The following CNTN3 variants were observed in gnomAD, a reference collection of about 807,000 sequenced individuals.
CNTN3 encodes contactin 3.
A neutral mutation model predicts 119.1 loss-of-function variants in CNTN3; 60 were observed. That is an observed-to-expected ratio of 0.50 (90% CI 0.41 to 0.62). The LOEUF (loss-of-function observed/expected upper bound fraction) is 0.62. Among genes scored for constraint, CNTN3 ranks in the 20% least tolerant of loss-of-function variants. The pLI, the probability that CNTN3 is intolerant of heterozygous loss-of-function variation, is 0.00. For missense variants in CNTN3, 1,101 were observed against 1,242.4 expected (o/e 0.89, Z 1.71); for synonymous variants, 450 against 438.7 (o/e 1.03, Z -0.32).
At chr3:74,557,088 T>C (rs1372013487) in intron 1 of CNTN3, among the ~76,000 whole-genome samples, 4 of 152,110 alleles carry the variant, frequency 2.6e-5, no homozygotes, top group Non-Finnish European at 5.9e-5. Context: ...GTGGATTGTC[T>C]TTTTACTTCC....
At chr3:74,602,699 G>C (rs944149633) in intron 1 of CNTN3, among the ~76,000 whole-genome samples, 1 of 152,086 alleles carries the variant, frequency 6.6e-6, no homozygotes, top group African/African-American at 2.4e-5. Flanking sequence ...ATGAGATCAA[G>C]AGAGGTAGAA....
At chr3:74,286,121 T>A (rs984221546) in intron 19 of CNTN3, among the ~76,000 whole-genome samples, 1 of 151,966 alleles carries the variant, frequency 6.6e-6, no homozygotes. Flanking sequence ...GAAGAAAAAG[T>A]GTCTAGTCTG....
chr3:74,291,469 T>G (rs550091430), intron 19 of CNTN3, among the ~76,000 whole-genome samples: 1 of 152,258 alleles, frequency 6.6e-6, no homozygotes, highest in African/African-American at 2.4e-5. Context: ...CCTTGAGGAA[T>G]TGCCACACTG....
At chr3:74,279,050 C>G (rs1701940348) in intron 20 of CNTN3, among the ~76,000 whole-genome samples, 1 of 152,084 alleles carries the variant, frequency 6.6e-6, no homozygotes, top group Non-Finnish European at 1.5e-5. Flanking sequence ...AAATCAAAAC[C>G]ACAATGCAAT....
chr3:74,317,245 T>C (rs1312578862), intron 13 of CNTN3, among the ~76,000 whole-genome samples: 1 of 150,044 alleles, frequency 6.7e-6, no homozygotes, highest in Non-Finnish European at 1.5e-5. Context: ...GCATGTGAGA[T>C]GGGTTTCCTG....
At chr3:74,548,006 G>C (rs557174971) in intron 1 of CNTN3, among the ~76,000 whole-genome samples, 1 of 152,210 alleles carries the variant, frequency 6.6e-6, no homozygotes, top group East Asian at 1.9e-4. Flanking sequence ...GTTCATTCCA[G>C]ATGGATAACC....
chr3:74,397,808 A>T (rs184786936), intron 5 of CNTN3, among the ~76,000 whole-genome samples: 1 of 152,332 alleles, frequency 6.6e-6, no homozygotes, highest in East Asian at 1.9e-4. Context: ...AGAGGTCAAA[A>T]CATCAACATT....
At chr3:74,425,017 CT>C in intron 4 of CNTN3, 77 bp from the exon 5 acceptor site, 1 of 876,968 alleles carries the variant, frequency 1.1e-6, no homozygotes, top group Non-Finnish European at 1.7e-6. Flanking sequence ...ACCTTCCTTT[CT>C]TTTAGAAAAC....
At chr3:74,449,848 C>A (rs1408358572) in intron 4 of CNTN3, among the ~76,000 whole-genome samples, 1 of 152,084 alleles carries the variant, frequency 6.6e-6, no homozygotes, top group South Asian at 2.1e-4. Context: ...TTTGCATTCA[C>A]AGGAATATTG....
At chr3:74,345,200 T>C in intron 11 of CNTN3, among the ~76,000 whole-genome samples, 1 of 152,144 alleles carries the variant, frequency 6.6e-6, no homozygotes, top group Non-Finnish European at 1.5e-5. Flanking sequence ...ATAGAGGGCT[T>C]CAATTTGCTT....
intron 4 of CNTN3, among the ~76,000 whole-genome samples, chr3:74,456,634 T>G: frequency 6.6e-6 from 1 of 152,052 alleles, no homozygotes; most frequent in East Asian, 1.9e-4. Context: ...AGGTGGCAGG[T>G]GTGGAAAGCA....
chr3:74,410,310 A>C lies in CNTN3; in HGVS notation c.454+14535T>G, dbSNP rs201176279. On this transcript the variant is annotated intron_variant, in intron 5 of 22. Coordinates refer to ENST00000263665, the MANE Select transcript of CNTN3 (RefSeq NM_020872.3). ...AATAAAAAAATAACTTTTACTGCTT[A>C]CTAGCACTGGATTAAGAAAACCCAT... Among the ~76,000 whole-genome samples, 12 of 152,194 alleles carry C rather than the reference A, an allele frequency of 7.9e-5. No individual in the cohort carries two copies. In the East Asian group the frequency reaches 1.2e-3, roughly 15 times the overall value.
At chr3:74,495,261 C>G (rs991362279) in intron 3 of CNTN3, among the ~76,000 whole-genome samples, 5 of 151,894 alleles carry the variant, frequency 3.3e-5, no homozygotes, top group African/African-American at 1.2e-4. Flanking sequence ...AACAATAACT[C>G]GTCTTGACAC....
At chr3:74,350,612 C>A (rs1246516028) in intron 11 of CNTN3, among the ~76,000 whole-genome samples, 1 of 152,132 alleles carries the variant, frequency 6.6e-6, no homozygotes, top group Non-Finnish European at 1.5e-5. Context: ...TGAAAAAGTA[C>A]CTGTACTCCT....
intron 1 of CNTN3, among the ~76,000 whole-genome samples, chr3:74,596,336 C>T (rs1704808856): frequency 6.6e-6 from 1 of 152,116 alleles, no homozygotes; most frequent in South Asian, 2.1e-4. Flanking sequence ...GAAAAAACTA[C>T]TTTAACGTTC....
At chr3:74,433,602 T>C (rs776246123) in intron 4 of CNTN3, among the ~76,000 whole-genome samples, 1 of 152,156 alleles carries the variant, frequency 6.6e-6, no homozygotes, top group Non-Finnish European at 1.5e-5. Context: ...CTACAAGACC[T>C]TTCCACATAG....
At chr3:74,315,890 GA>G (rs1702821062) in intron 13 of CNTN3, among the ~76,000 whole-genome samples, 1 of 152,058 alleles carries the variant, frequency 6.6e-6, no homozygotes, top group Admixed American at 6.6e-5. Flanking sequence ...ATTTTATATG[GA>G]AATACCCCAT....
chr3:74,280,626 C>G (rs995205626), intron 20 of CNTN3, among the ~76,000 whole-genome samples: 1 of 152,180 alleles, frequency 6.6e-6, no homozygotes, highest in Non-Finnish European at 1.5e-5. Flanking sequence ...GTGATGCTGC[C>G]ATGGAGCAGA....
chr3:74,355,434 T>G (rs1456190266), intron 11 of CNTN3, among the ~76,000 whole-genome samples: 1 of 150,758 alleles, frequency 6.6e-6, no homozygotes. Flanking sequence ...TCAACCCATC[T>G]GCTGGTACCA....
Sources: gnomAD v4.1 joint callset for allele counts (sites outside exome capture counted in the v4.1 genomes callset) on GRCh38, gnomAD v4.1.1 for gene constraint, MANE v1.5 for transcripts, NCBI Gene and HGNC (gene_info 2026-07-23, HGNC 2026-07-21) for gene names.